The following RUBCN variants were observed in gnomAD, a reference collection of about 807,000 sequenced individuals.
RUBCN encodes run domain Beclin-1-interacting and cysteine-rich domain-containing protein.
Under a neutral mutation model 113.2 loss-of-function variants are expected in RUBCN, and 74 were observed. The observed-to-expected ratio is 0.65, with a 90% CI of 0.54 to 0.79. RUBCN has a LOEUF of 0.79. Among genes scored for constraint, RUBCN ranks in the 30% least tolerant of loss-of-function variants. RUBCN has a pLI of 0.00. For missense variants in RUBCN, 1,109 were observed against 1,251.7 expected, an observed-to-expected ratio of 0.89 and a Z score of 1.72; for synonymous variants, 480 against 490.0, an observed-to-expected ratio of 0.98 and a Z score of 0.27.
chr3:197,725,010 C>G (rs1187733579), intron 1 of RUBCN, among the ~76,000 whole-genome samples: 1 of 151,978 alleles, frequency 6.6e-6, no homozygotes, highest in African/African-American at 2.4e-5. Flanking sequence ...AAAATCTCGT[C>G]TCTACAAAAA....
In RUBCN at chr3:197,718,110, A is replaced by G; in HGVS notation, c.86T>C (p.Leu29Pro). Residue 29 changes from leucine to proline, a missense_variant, in exon 2 of 20, where the codon CTG becomes CCG. Leu to Pro is a moderately conservative substitution (Grantham distance 98). Around this residue, in one of 3 missense-constraint regions of RUBCN, gnomAD observed 736 missense variants for 779.6 expected, o/e 0.94. Transcript: ENST00000296343. ...CTCCACCGTCGTCTTCAAATTACCC[A>G]GCAACTGCCAGTGCTCCCTCCTGCA... ...EESRREHWQL[L>P]GNLKTTVEGL... The G allele has an allele frequency of 1.2e-6, 2 of 1,614,186 alleles. No individual in the cohort carries two copies. The highest frequency in any genetic ancestry group is 1.7e-6 in the Non-Finnish European group (2 of 1,180,030).
chr3:197,680,132 A>G (rs1721033719), intron 16 of RUBCN, among the ~76,000 whole-genome samples: 1 of 107,444 alleles, frequency 9.3e-6, no homozygotes, highest in Admixed American at 9.4e-5. Flanking sequence ...AGACTGTCCT[A>G]CGCTCTGACA....
intron 11 of RUBCN, among the ~76,000 whole-genome samples, chr3:197,693,237 A>G (rs927832793): frequency 1.3e-5 from 2 of 152,230 alleles, no homozygotes; most frequent in African/African-American, 2.4e-5. Context: ...CTGAGCAGTG[A>G]GCACCGACCG....
intron 1 of RUBCN, among the ~76,000 whole-genome samples, chr3:197,720,770 G>A (rs563718248): frequency 6.6e-6 from 1 of 152,216 alleles, no homozygotes; most frequent in East Asian, 1.9e-4. Context: ...AATAAATAGA[G>A]GAGTGCAGGT....
At chr3:197,722,404 T>C (rs1031563822) in intron 1 of RUBCN, among the ~76,000 whole-genome samples, 12 of 152,216 alleles carry the variant, frequency 7.9e-5, no homozygotes, top group African/African-American at 2.9e-4. Context: ...TAGAATGTTC[T>C]GTAGATGTCT....
rs970570577 is a variant in RUBCN, at chr3:197,685,652, T to C, written c.1787-1435A>G. Among the ~76,000 whole-genome samples the C allele has an allele frequency of 3.3e-4, 50 of 152,218 alleles. 2 individuals carry two copies. Among genetic ancestry groups the C allele is most frequent in the Non-Finnish European group, 4.4e-5 (3 of 68,034 alleles). On this transcript the variant is annotated intron_variant, in intron 11 of 19. Transcript: ENST00000296343. ...GAAGTCAAATCTGTTGGTTTTCCTA[T>C]GTTCTCTGAGCACAGGACAAGACAT...
At chr3:197,713,575 G>T (rs565962480) in intron 2 of RUBCN, among the ~76,000 whole-genome samples, 1 of 152,266 alleles carries the variant, frequency 6.6e-6, no homozygotes, top group African/African-American at 2.4e-5. Context: ...TGGTAATGTT[G>T]TGCTCGGGCC....
At chr3:197,690,342 G>A (rs1722286737) in intron 11 of RUBCN, among the ~76,000 whole-genome samples, 1 of 152,178 alleles carries the variant, frequency 6.6e-6, no homozygotes, top group Non-Finnish European at 1.5e-5. Context: ...GGAGGCTGAG[G>A]CAGGAGAATT....
At chr3:197,738,436 AAAATG>A (rs1396272682), upstream of RUBCN, among the ~76,000 whole-genome samples, 9 of 152,262 alleles carry the variant, frequency 5.9e-5, no homozygotes, top group South Asian at 8.3e-4. Flanking sequence ...TTGGCAATTA[AAAATG>A]AAATGAAAGA....
intron 11 of RUBCN, among the ~76,000 whole-genome samples, chr3:197,687,056 T>A (rs542802474): frequency 3.3e-5 from 5 of 152,346 alleles, no homozygotes; most frequent in African/African-American, 1.2e-4. Flanking sequence ...TAGCAAACTA[T>A]GCAAATTTTT....
intron 1 of RUBCN, among the ~76,000 whole-genome samples, chr3:197,727,373 A>G (rs745423391): frequency 1.3e-5 from 2 of 152,178 alleles, no homozygotes; most frequent in Non-Finnish European, 2.9e-5. Context: ...TAGAGCAGAG[A>G]ATAATATTCT....
chr3:197,740,477 AG>A (rs1397052305), upstream of RUBCN, among the ~76,000 whole-genome samples: 3 of 152,178 alleles, frequency 2.0e-5, no homozygotes, highest in Non-Finnish European at 4.4e-5. Context: ...TTAAAAAAAA[AG>A]AAAAAGAAAA....
In RUBCN at chr3:197,672,494, C is replaced by T. The variant is rs894041343; in HGVS notation, c.*2524G>A. 2.0e-5 allele frequency: 3 copies of T among 152,282 alleles called. No homozygotes were observed. Among genetic ancestry groups the T allele is most frequent in the East Asian group, 3.9e-4 (2 of 5,188 alleles). The allele number at this position is 152,282 out of a possible 1,614,324, so 9.4% of individuals were successfully genotyped here. A position where few individuals can be genotyped will look rare whatever the true frequency, so the allele number is the denominator to read the frequency against. ...ATCGTGTCAGAGTCACTAAAACAGACGCACGATCTAAAGGGATGGGGTGCG... is the reference window on the plus strand; with the variant it reads ...ATCGTGTCAGAGTCACTAAAACAGATGCACGATCTAAAGGGATGGGGTGCG... On this transcript the variant is annotated 3_prime_UTR_variant, in exon 20 of 20. Transcript: ENST00000296343.
chr3:197,682,609 G>A lies in RUBCN; in HGVS notation c.1987C>T (p.Pro663Ser), dbSNP rs1721371538. Residue 663 changes from proline (P) to serine (S), a missense_variant, in exon 14 of 20, where the codon CCC becomes TCC. By Grantham distance (74) the Pro-to-Ser change is moderately conservative. Around this residue, in one of 3 missense-constraint regions of RUBCN, gnomAD observed 67 missense variants for 123.2 expected, o/e 0.54. Transcript: ENST00000296343. ...PEHDAPQKLL[P>S]IPDSLPISPD... Reference sequence around the variant, plus strand: ...GAGATGGGCAGTGAGTCAGGAATGGGCAGGAGCTGCAGGAGGAAAGCACAG... The same window carrying A: ...GAGATGGGCAGTGAGTCAGGAATGGACAGGAGCTGCAGGAGGAAAGCACAG... 6.2e-7 allele frequency: 1 copy of A among 1,613,728 alleles called. No individual in the cohort carries two copies. Among genetic ancestry groups the A allele is most frequent in the Non-Finnish European group, 8.5e-7 (1 of 1,179,822 alleles).
At chr3:197,726,525 C>T (rs1726775068) in intron 1 of RUBCN, among the ~76,000 whole-genome samples, 3 of 142,006 alleles carry the variant, frequency 2.1e-5, no homozygotes, top group Admixed American at 1.4e-4. Flanking sequence ...GGATTACAGG[C>T]GTGAGCCACC....
In RUBCN at chr3:197,674,471, A is replaced by G; in HGVS notation, c.*547T>C. The G allele has an allele frequency of 2.2e-6, 1 of 446,606 alleles. No homozygotes were observed. The highest frequency in any genetic ancestry group is 4.6e-6 in the Non-Finnish European group (1 of 216,924). The allele number at this position is 446,606 out of a possible 1,614,324, so 27.7% of individuals were successfully genotyped here. On this transcript the variant is annotated 3_prime_UTR_variant, in exon 20 of 20. Transcript: ENST00000296343. The stretch of plus-strand genomic sequence containing the variant: ...AGGATTGTTCTGTGGCCCCCAAAAT[A>G]CCCAAATAAGTGGACGAAATGCCCA...
rs570478766 is a variant in RUBCN, at chr3:197,677,841, C to T, written c.2431-300G>A. On this transcript the variant is annotated intron_variant, in intron 16 of 19. Coordinates refer to ENST00000296343, the MANE Select transcript of RUBCN (RefSeq NM_014687.4). ...TGACAGCTGGCTTCAGACTGTCCCA[C>T]GCTCTAACTCGACAACTGGTTCCAG... 7.9e-3 allele frequency among the ~76,000 whole-genome samples: 1,072 copies of T among 135,284 alleles called. 7 individuals carry two copies. Among genetic ancestry groups the T allele is most frequent in the Non-Finnish European group, 0.013 (791 of 63,178 alleles). 88.8% of individuals were successfully genotyped at this position (135,284 alleles called of 152,430 possible).
chr3:197,728,870 T>G (rs1727060845), intron 1 of RUBCN, among the ~76,000 whole-genome samples: 2 of 152,158 alleles, frequency 1.3e-5, no homozygotes, highest in Non-Finnish European at 2.9e-5. Context: ...AGGGAGGTAT[T>G]GCAGTGAGTG....
At chr3:197,713,761 C>T (rs1725210677) in intron 2 of RUBCN, among the ~76,000 whole-genome samples, 1 of 151,758 alleles carries the variant, frequency 6.6e-6, no homozygotes, top group African/African-American at 2.4e-5. Context: ...GAGAGAAGGG[C>T]ATACGGCAGA....
Sources: gnomAD v4.1 joint callset for allele counts (sites outside exome capture counted in the v4.1 genomes callset) on GRCh38, gnomAD v4.1.1 for gene constraint, gnomAD v4.1.1 regional missense constraint, MANE v1.5 for transcripts, NCBI Gene and HGNC (gene_info 2026-07-23, HGNC 2026-07-21) for gene names.